The following MAPK8IP1 variants were observed in gnomAD, a reference collection of about 807,000 sequenced individuals.
MAPK8IP1 encodes mitogen-activated protein kinase 8 interacting protein 1.
A neutral mutation model predicts 72.6 loss-of-function variants in MAPK8IP1; 17 were observed. The ratio of observed to expected loss-of-function variants is 0.23; its 90% confidence interval spans 0.16 to 0.35. The LOEUF is 0.35. MAPK8IP1 is among the 10% of genes least tolerant of loss of function. MAPK8IP1 has a pLI of 1.00. For missense variants in MAPK8IP1, 789 were observed against 1,009.7 expected (o/e 0.78, Z 2.96); for synonymous variants, 401 against 443.4 (o/e 0.90, Z 1.20).
At position 45,902,957 on chromosome 11, in the gene MAPK8IP1, G is replaced by A. The variant is rs947803443; in HGVS notation, c.1190G>A (p.Arg397Gln). The A allele has an allele frequency of 1.1e-5, 18 of 1,611,974 alleles. No individual in the cohort carries two copies. The highest frequency in any genetic ancestry group is 8.9e-5 in the East Asian group (4 of 44,858). The stretch of plus-strand genomic sequence containing the variant: ...GCACAGCTGGAGCTGGTGAGCCTGC[G>A]GCCGTGCTTCGGAGACTACAGTGAC... ...EHAQLELVSL[R>Q]PCFGDYSDES... Residue 397 changes from arginine (R) to glutamine (Q), a missense_variant, in exon 5 of 12, where the codon CGG (arginine) becomes CAG (glutamine). Around this residue, in one of 4 missense-constraint regions of MAPK8IP1, gnomAD observed 377 missense variants for 411.7 expected, o/e 0.92. Coordinates refer to ENST00000241014, the MANE Select transcript of MAPK8IP1 (RefSeq NM_005456.4). This position sits in a 1 kb window ranked among gnomAD's most constrained non-coding sequence, Gnocchi z 9.3.
chr11:45,893,745 G>A (rs963748504), intron 1 of MAPK8IP1, among the ~76,000 whole-genome samples: 3 of 151,572 alleles, frequency 2.0e-5, no homozygotes, highest in East Asian at 1.9e-4. Context: ...TGGATCAGGC[G>A]GGACAGGAGG....
At position 45,898,032 on chromosome 11, in the gene MAPK8IP1, G is replaced by A. The variant is rs1355679642; in HGVS notation, c.102-53G>A. The A allele has an allele frequency of 6.5e-6, 7 of 1,080,020 alleles. No homozygotes were observed. The Admixed American group carries it at 6.9e-5, about 11-fold the overall frequency. 66.9% of individuals were successfully genotyped at this position (1,080,020 alleles called of 1,614,324 possible). ...ACCCTGGAAGAGGTAACAGGGAGAT[G>A]TGAGCAGGCATAGTGCCCCTGAGTT... is the stretch of plus-strand genomic sequence containing the variant. On this transcript the variant is annotated intron_variant, in intron 1 of 11. Transcript: ENST00000241014.
In MAPK8IP1 at chr11:45,905,636, C is replaced by G; in HGVS notation, c.2064-13C>G. 1 of 1,611,582 alleles carries G rather than the reference C, an allele frequency of 6.2e-7. No homozygotes were observed. The highest frequency in any genetic ancestry group is 8.5e-7 in the Non-Finnish European group (1 of 1,177,788). On this transcript the variant is annotated splice_polypyrimidine_tract_variant and intron_variant, in intron 11 of 11. Transcript: ENST00000241014. ...TGGCGATCTGAGCCATCTGTGTGTCCCCTGGCTTCTAGGAGAGCATTCCAG... is the reference window on the plus strand; with the variant it reads ...TGGCGATCTGAGCCATCTGTGTGTCGCCTGGCTTCTAGGAGAGCATTCCAG...
rs1329508876 is a variant in MAPK8IP1 at position 45,902,834 on chromosome 11, T to G, written c.1067T>G (p.Leu356Arg). 6.3e-7 allele frequency: 1 copy of G among 1,580,706 alleles called. No homozygotes were observed. Among genetic ancestry groups the G allele is most frequent in the East Asian group, 2.3e-5 (1 of 43,246 alleles). ...EPPGGGWRGS[L>R]GEPPPPPRAS... ...CCAGGCGGAGGGTGGCGGGGGAGCCTGGGGGAGCCGCCGCCACCTCCACGG... is the reference window on the plus strand; with the variant it reads ...CCAGGCGGAGGGTGGCGGGGGAGCCGGGGGGAGCCGCCGCCACCTCCACGG... Residue 356 changes from leucine (L) to arginine (R), a missense_variant, in exon 5 of 12, where the codon CTG becomes CGG. Physicochemically the swap from Leu to Arg is moderately radical, Grantham distance 102. This residue lies in a region of MAPK8IP1 where 377 missense variants were observed against 411.7 expected (regional missense o/e 0.92). Transcript: ENST00000241014. This position sits in a 1 kb window ranked among gnomAD's most constrained non-coding sequence, Gnocchi z 9.3.
chr11:45,905,121 G>A (rs374695206), intron 10 of MAPK8IP1, 30 bp from the exon 11 acceptor site: 95 of 1,612,590 alleles, frequency 5.9e-5, no homozygotes, highest in Non-Finnish European at 7.0e-5. Context: ...CCGAGCCCCC[G>A]TCCCAGCACA....
In MAPK8IP1 at chr11:45,888,750, A is replaced by T. The variant is rs531628759; in HGVS notation, c.101+2829A>T. On this transcript the variant is annotated intron_variant, in intron 1 of 11. Coordinates refer to ENST00000241014, the MANE Select transcript of MAPK8IP1 (RefSeq NM_005456.4). Reference sequence around the variant, plus strand: ...CTCTGTCGCCCAGGCTGGAGGTTGGAGTGCAGTGGCATGATCTAAGCTCAC... The same window carrying T: ...CTCTGTCGCCCAGGCTGGAGGTTGGTGTGCAGTGGCATGATCTAAGCTCAC... 2.0e-5 allele frequency among the ~76,000 whole-genome samples: 3 copies of T among 151,658 alleles called. No individual in the cohort carries two copies. In the South Asian group the frequency reaches 6.3e-4, roughly 32 times the overall value.
At chr11:45,897,985 T>C (rs1000268723) in intron 1 of MAPK8IP1, 100 bp from the exon 2 acceptor site, 15 of 732,354 alleles carry the variant, frequency 2.0e-5, no homozygotes, top group Non-Finnish European at 3.5e-5. Flanking sequence ...CTGGGGGCTG[T>C]GTTTGGCCTT....
In MAPK8IP1 at chr11:45,904,395, T is replaced by A; in HGVS notation, c.1667-60T>A. 1 of 1,446,404 alleles carries A rather than the reference T, an allele frequency of 6.9e-7. No individual in the cohort carries two copies. The highest frequency in any genetic ancestry group is 9.7e-7 in the Non-Finnish European group (1 of 1,033,826). 89.6% of individuals were successfully genotyped at this position (1,446,404 alleles called of 1,614,324 possible). A position where few individuals can be genotyped will look rare whatever the true frequency, so the allele number is the denominator to read the frequency against. On this transcript the variant is annotated intron_variant, in intron 7 of 11. Transcript: ENST00000241014. This position sits in a 1 kb window ranked among gnomAD's most constrained non-coding sequence, Gnocchi z 6.4. ...CCGTGCCTCACCCACCCTCCTTCAC[T>A]TGGCTGCTCAGCTCCCTCCTGCTCT...
intron 1 of MAPK8IP1, among the ~76,000 whole-genome samples, chr11:45,888,409 G>A (rs1362638531): frequency 6.6e-6 from 1 of 152,180 alleles, no homozygotes; most frequent in Non-Finnish European, 1.5e-5. Context: ...ATCCACACTT[G>A]CATGAAGAAA....
chr11:45,904,090 G>T lies in MAPK8IP1; in HGVS notation c.1595G>T (p.Arg532Leu), dbSNP rs1394463681. ...TACTGGTACGAGGCCTACAACATGC[G>T]CACTGGTGCCCGGGGTGTCTTTCCT... ...EDYWYEAYNM[R>L]TGARGVFPAY... The change falls in exon 7 of 12, where the codon CGC becomes CTC. Residue 532 changes from arginine (R) to leucine (L), a missense_variant. Coordinates refer to ENST00000241014, the MANE Select transcript of MAPK8IP1 (RefSeq NM_005456.4). The surrounding 1 kb of genome is among the most constrained non-coding windows in gnomAD (Gnocchi z 6.4). 3 of 1,613,924 alleles carry T rather than the reference G, an allele frequency of 1.9e-6. No homozygotes were observed. The highest frequency in any genetic ancestry group is 3.3e-5 in the Admixed American group (2 of 60,000).
rs761517272 is a variant in MAPK8IP1 at position 45,904,755 on chromosome 11, C to T, written c.1814C>T (p.Pro605Leu). ...TTRRLTVHFN[P>L]PSSCVLEISV... ...CGCCGGCTCACCGTGCACTTTAACC[C>T]GCCCTCCAGCTGTGTCCTGGAGATC... The change falls in exon 9 of 12, where the codon CCG (proline) becomes CTG (leucine). Residue 605 changes from proline (P) to leucine (L), a missense_variant. Coordinates refer to ENST00000241014, the MANE Select transcript of MAPK8IP1 (RefSeq NM_005456.4). This position sits in a 1 kb window ranked among gnomAD's most constrained non-coding sequence, Gnocchi z 6.4. 4.3e-6 allele frequency: 7 copies of T among 1,614,032 alleles called. No homozygotes were observed. Among genetic ancestry groups the T allele is most frequent in the East Asian group, 2.2e-5 (1 of 44,876 alleles).
chr11:45,900,266 C>T lies in MAPK8IP1; in HGVS notation c.336C>T (p.Asp112=), dbSNP rs1445356157. The change falls in exon 3 of 12, where the codon GAC becomes GAT. Residue 112 remains aspartate (D), a synonymous_variant. Coordinates refer to ENST00000241014, the MANE Select transcript of MAPK8IP1 (RefSeq NM_005456.4). This position sits in a 1 kb window ranked among gnomAD's most constrained non-coding sequence, Gnocchi z 6.5. ...DTPGAEDDEE[D]DDEERAARRP... is the part of the protein sequence containing the mutation. Reference sequence around the variant, plus strand: ...CCGGGGCCGAGGACGACGAGGAGGACGACGACGAGGAGCGCGCGGCCCGGC... The same window carrying T: ...CCGGGGCCGAGGACGACGAGGAGGATGACGACGAGGAGCGCGCGGCCCGGC... 3.8e-6 allele frequency: 5 copies of T among 1,331,690 alleles called. No homozygotes were observed. The highest frequency in any genetic ancestry group is 3.1e-5 in the African/African-American group (2 of 64,480). 82.5% of individuals were successfully genotyped at this position (1,331,690 alleles called of 1,614,324 possible).
In MAPK8IP1 at chr11:45,900,342, C is replaced by T; in HGVS notation, c.412C>T (p.Arg138Cys). ...CGAGTCCGGCCAGGAGCCGGCGTCC[C>T]GCGGCCAGGGCCAGAGCCAAGGCCA... ...KAESGQEPAS[R>C]GQGQSQGQSQ... The change falls in exon 3 of 12, where the codon CGC becomes TGC. Residue 138 changes from arginine to cysteine, a missense_variant. Transcript: ENST00000241014. This position sits in a 1 kb window ranked among gnomAD's most constrained non-coding sequence, Gnocchi z 6.5. 3 of 1,450,876 alleles carry T rather than the reference C, an allele frequency of 2.1e-6. No individual in the cohort carries two copies. Among genetic ancestry groups the T allele is most frequent in the Non-Finnish European group, 2.7e-6 (3 of 1,108,866 alleles). 89.9% of individuals were successfully genotyped at this position (1,450,876 alleles called of 1,614,324 possible).
intron 1 of MAPK8IP1, among the ~76,000 whole-genome samples, chr11:45,893,872 G>A (rs1281889438): frequency 1.3e-5 from 2 of 150,574 alleles, no homozygotes; most frequent in South Asian, 2.1e-4. Flanking sequence ...CCAAGTGTCT[G>A]TTTAGCCTTC....
rs946275010 is a variant in MAPK8IP1 at position 45,904,619 on chromosome 11, C to T, written c.1776+55C>T. The T allele has an allele frequency of 2.3e-5, 36 of 1,595,954 alleles. No homozygotes were observed. Among genetic ancestry groups the T allele is most frequent in the South Asian group, 8.8e-5 (8 of 90,728 alleles). On this transcript the variant is annotated intron_variant, in intron 8 of 11. Transcript: ENST00000241014. This position sits in a 1 kb window ranked among gnomAD's most constrained non-coding sequence, Gnocchi z 6.4. ...TGGATGGGTCCCTGGGGCAGAGGGA[C>T]GCAGGTGTCTAGAGGCAGTAAAGGG...
intron 1 of MAPK8IP1, among the ~76,000 whole-genome samples, chr11:45,887,420 C>T (rs934935043): frequency 1.3e-5 from 2 of 152,166 alleles, no homozygotes; most frequent in African/African-American, 4.8e-5. Flanking sequence ...CTCCTTTAAC[C>T]CTCATAACTG....
intron 3 of MAPK8IP1, among the ~76,000 whole-genome samples, chr11:45,901,010 A>G (rs891363980): frequency 2.0e-5 from 3 of 151,848 alleles, no homozygotes; most frequent in African/African-American, 7.3e-5. Flanking sequence ...TAAGTTGGGG[A>G]CCTAGGGCCC....
At chr11:45,891,716 T>A (rs775066778) in intron 1 of MAPK8IP1, among the ~76,000 whole-genome samples, 1 of 152,248 alleles carries the variant, frequency 6.6e-6, no homozygotes, top group Non-Finnish European at 1.5e-5. Context: ...GGGAGACCAC[T>A]GGATCATATA....
At position 45,899,998 on chromosome 11, in the gene MAPK8IP1, C is replaced by T. The variant is rs1011826299; in HGVS notation, c.208-140C>T. On this transcript the variant is annotated intron_variant, in intron 2 of 11. Transcript: ENST00000241014. The stretch of plus-strand genomic sequence containing the variant: ...CTCGCGGCGGACGGGCGAGAGCGCC[C>T]CAGTCTCCGGCGGCCCCTGCTCGGC... 2.8e-5 allele frequency: 12 copies of T among 427,732 alleles called. 1 individual carries two copies. In the South Asian group the frequency reaches 6.7e-4, roughly 24 times the overall value. 26.5% of individuals were successfully genotyped at this position (427,732 alleles called of 1,614,324 possible). A position where few individuals can be genotyped will look rare whatever the true frequency, so the allele number is the denominator to read the frequency against.
Sources: allele counts gnomAD v4.1 joint callset (sites outside exome capture counted in the v4.1 genomes callset), GRCh38; gene constraint gnomAD v4.1.1; regional missense constraint gnomAD v4.1.1; non-coding constraint Gnocchi (gnomAD v3.1); transcripts MANE v1.5; gene names NCBI Gene and HGNC (gene_info 2026-07-23, HGNC 2026-07-21).